The following KCNIP4 variants were observed in gnomAD, a reference collection of about 807,000 sequenced individuals.
The protein encoded by KCNIP4 is potassium voltage-gated channel interacting protein 4.
A neutral mutation model predicts 34.0 loss-of-function variants in KCNIP4; 12 were observed. The ratio of observed to expected loss-of-function variants is 0.35; its 90% CI spans 0.23 to 0.57. The LOEUF is 0.57. Ranked by LOEUF, KCNIP4 falls within the 20% of genes least tolerant of loss-of-function variation. KCNIP4 has a pLI of 0.83. For synonymous variants in KCNIP4, 124 were observed against 102.2 expected (o/e 1.21, Z -1.29); for missense variants, 238 against 311.7 (o/e 0.76, Z 1.78).
intron 1 of KCNIP4, among the ~76,000 whole-genome samples, chr4:21,383,334 C>T (rs774777825): frequency 1.5e-4 from 23 of 150,798 alleles, no homozygotes; most frequent in African/African-American, 2.2e-4. Flanking sequence ...TAACAGTTTA[C>T]GATCTGGTGG....
intron 1 of KCNIP4, among the ~76,000 whole-genome samples, chr4:21,364,686 A>G (rs1719556829): frequency 6.6e-6 from 1 of 152,162 alleles, no homozygotes; most frequent in African/African-American, 2.4e-5. Context: ...AGATATCAGA[A>G]AAAGCTAAAG....
intron 1 of KCNIP4, chr4:21,850,565 G>A (rs572051498): frequency 6.6e-6 from 1 of 151,960 alleles, no homozygotes; most frequent in Admixed American, 6.6e-5. Flanking sequence ...TTCAACCTTG[G>A]ACTTTTCAAC....
At chr4:21,349,111 A>T (rs535727731) in intron 1 of KCNIP4, among the ~76,000 whole-genome samples, 1 of 152,200 alleles carries the variant, frequency 6.6e-6, no homozygotes, top group African/African-American at 2.4e-5. Context: ...ACCATTTAGT[A>T]ATTTATAAAT....
chr4:20,779,581 C>T (rs868428886), intron 3 of KCNIP4, among the ~76,000 whole-genome samples: 13 of 132,810 alleles, frequency 9.8e-5, no homozygotes, highest in Middle Eastern at 3.8e-3. Flanking sequence ...CCACAACCCC[C>T]CCCCCCCACA....
intron 1 of KCNIP4, among the ~76,000 whole-genome samples, chr4:21,550,120 G>T (rs151215520): frequency 1.7e-3 from 256 of 152,182 alleles, no homozygotes; most frequent in Non-Finnish European, 3.3e-3. Context: ...AGAAAATTCT[G>T]CAAGGAAGAG....
At chr4:21,812,552 G>T (rs984711740) in intron 1 of KCNIP4, among the ~76,000 whole-genome samples, 2 of 152,168 alleles carry the variant, frequency 1.3e-5, no homozygotes, top group East Asian at 3.8e-4. Flanking sequence ...GCATCCATAA[G>T]AGTTGTTTAG....
chr4:21,283,471 AC>A (rs1186040035), intron 1 of KCNIP4, among the ~76,000 whole-genome samples: 1 of 151,828 alleles, frequency 6.6e-6, no homozygotes, highest in Non-Finnish European at 1.5e-5. Flanking sequence ...GAGAAAACAT[AC>A]CATTATGTTT....
intron 1 of KCNIP4, among the ~76,000 whole-genome samples, chr4:21,333,298 T>C (rs1715836140): frequency 6.6e-6 from 1 of 151,938 alleles, no homozygotes; most frequent in Non-Finnish European, 1.5e-5. Context: ...TAAGTCTTTT[T>C]ACCCCCAGGG....
chr4:21,285,796 A>G (rs1208065689), intron 1 of KCNIP4, among the ~76,000 whole-genome samples: 1 of 152,296 alleles, frequency 6.6e-6, no homozygotes, highest in East Asian at 1.9e-4. Flanking sequence ...AACCACGATC[A>G]TACCACTGCA....
chr4:20,984,350 A>C (rs539923215), intron 1 of KCNIP4, among the ~76,000 whole-genome samples: 2 of 152,208 alleles, frequency 1.3e-5, no homozygotes, highest in African/African-American at 4.8e-5. Flanking sequence ...GAGGCTGGGC[A>C]GATCTGTCTG....
At chr4:21,332,272 G>A (rs143898043) in intron 1 of KCNIP4, among the ~76,000 whole-genome samples, 62 of 151,832 alleles carry the variant, frequency 4.1e-4, no homozygotes, top group African/African-American at 1.1e-3. Context: ...TATATTATAC[G>A]GAAATTAACC....
At chr4:21,696,012 C>T (rs547014380) in intron 1 of KCNIP4, among the ~76,000 whole-genome samples, 22 of 151,914 alleles carry the variant, frequency 1.4e-4, no homozygotes, top group Non-Finnish European at 2.2e-4. Context: ...CACAGAGCTC[C>T]GAGTTGGCAA....
At chr4:21,256,250 G>A (rs1761054040) in intron 1 of KCNIP4, among the ~76,000 whole-genome samples, 1 of 152,074 alleles carries the variant, frequency 6.6e-6, no homozygotes. Context: ...AATGAACTTA[G>A]CATATCAAAC....
chr4:21,398,378 G>A (rs912015527), intron 1 of KCNIP4, among the ~76,000 whole-genome samples: 2 of 152,192 alleles, frequency 1.3e-5, no homozygotes, highest in African/African-American at 4.8e-5. Context: ...CTCACAAATT[G>A]CTGTTAATCC....
intron 1 of KCNIP4, among the ~76,000 whole-genome samples, chr4:21,688,935 T>C (rs1292603002): frequency 6.6e-6 from 1 of 152,042 alleles, no homozygotes; most frequent in African/African-American, 2.4e-5. Context: ...TTGCCCATTG[T>C]CCTTGCCTAA....
rs1264507482 is a variant in KCNIP4 at position 21,346,206 on chromosome 4, TAA to T, written c.62-463499_62-463498del. Among the ~76,000 whole-genome samples, 106 of 69,772 alleles carry T rather than the reference TAA, an allele frequency of 1.5e-3. 3 individuals are homozygous for T. The highest frequency in any genetic ancestry group is 4.5e-3 in the African/African-American group (95 of 21,116). 45.8% of individuals were successfully genotyped at this position (69,772 alleles called of 152,430 possible). A position where few individuals can be genotyped will look rare whatever the true frequency, so the allele number is the denominator to read the frequency against. ...TATTATATATATAGAATTATATATATAATATATATTATATATAATTCTATATA... is the reference window on the plus strand; with the variant it reads ...TATTATATATATAGAATTATATATATTATATATTATATATAATTCTATATA... On this transcript the variant is annotated intron_variant, in intron 1 of 8. Coordinates refer to ENST00000382152, the MANE Select transcript of KCNIP4 (RefSeq NM_025221.6).
intron 1 of KCNIP4, among the ~76,000 whole-genome samples, chr4:21,406,853 ACT>A (rs1362549291): frequency 6.6e-6 from 1 of 152,018 alleles, no homozygotes; most frequent in African/African-American, 2.4e-5. Context: ...ATTTTGGAAA[ACT>A]CATATCTGCT....
At chr4:21,312,115 G>A (rs992472443) in intron 1 of KCNIP4, among the ~76,000 whole-genome samples, 1 of 152,160 alleles carries the variant, frequency 6.6e-6, no homozygotes, top group Non-Finnish European at 1.5e-5. Flanking sequence ...TAGTTAAATG[G>A]AGGAACAATA....
chr4:21,212,033 A>G (rs1279413482), intron 1 of KCNIP4, among the ~76,000 whole-genome samples: 1 of 152,324 alleles, frequency 6.6e-6, no homozygotes, highest in Non-Finnish European at 1.5e-5. Flanking sequence ...CTTCCCTCTC[A>G]GATGGCCCTG....
Sources: allele counts gnomAD v4.1 joint callset (sites outside exome capture counted in the v4.1 genomes callset), GRCh38; gene constraint gnomAD v4.1.1; transcripts MANE v1.5; gene names NCBI Gene and HGNC (gene_info 2026-07-23, HGNC 2026-07-21).